Variants in SPHKAP observed in about 807,000 individuals in gnomAD.
The protein encoded by SPHKAP is SPHK1 interactor, AKAP domain containing.
In SPHKAP, 67 loss-of-function variants were observed where a neutral mutation model predicts 137.5. The observed-to-expected ratio is 0.49, with a 90% CI of 0.40 to 0.60. The LOEUF is 0.60. SPHKAP is among the 20% of genes least tolerant of loss of function. SPHKAP has a pLI of 0.00. For missense variants in SPHKAP, 2,097 were observed against 2,069.3 expected (o/e 1.01, Z -0.26); for synonymous variants, 813 against 785.3 (o/e 1.04, Z -0.59).
chr2:228,131,956 GA>G (rs965984441), intron 2 of SPHKAP, 23 bp downstream of exon 2: 1 of 1,606,042 alleles, frequency 6.2e-7, no homozygotes, highest in African/African-American at 1.3e-5. Flanking sequence ...CTGACAAGAA[GA>G]AAGTGGCGTA....
intron 3 of SPHKAP, among the ~76,000 whole-genome samples, chr2:228,081,843 A>G (rs192636645): frequency 4.4e-4 from 67 of 152,296 alleles, no homozygotes; most frequent in Non-Finnish European, 6.8e-4. Flanking sequence ...TTTTAGTTAC[A>G]AAGAAGGAAT....
chr2:228,009,760 T>C (rs558258177), intron 7 of SPHKAP, among the ~76,000 whole-genome samples: 1 of 152,330 alleles, frequency 6.6e-6, no homozygotes, highest in African/African-American at 2.4e-5. Flanking sequence ...AGAACAAGTG[T>C]AGATTAGCCT....
intron 2 of SPHKAP, among the ~76,000 whole-genome samples, chr2:228,111,990 G>C (rs1196060423): frequency 6.6e-6 from 1 of 152,058 alleles, no homozygotes; most frequent in African/African-American, 2.4e-5. Flanking sequence ...TCTTGAAAGA[G>C]AGGAAACTTT....
intron 2 of SPHKAP, among the ~76,000 whole-genome samples, chr2:228,115,093 C>A (rs2106355930): frequency 6.6e-6 from 1 of 152,166 alleles, no homozygotes; most frequent in East Asian, 1.9e-4. Flanking sequence ...CTTTTCCTAC[C>A]CAGGTGCCAT....
chr2:228,063,999 T>G (rs1240450247), intron 3 of SPHKAP, among the ~76,000 whole-genome samples: 1 of 152,224 alleles, frequency 6.6e-6, no homozygotes, highest in Non-Finnish European at 1.5e-5. Context: ...AGCATCACTC[T>G]GGTCAATGTT....
chr2:228,096,516 G>A lies in SPHKAP; in HGVS notation c.246+12316C>T, dbSNP rs143188554. ...CCCACAGTTGGCCTGGGAGGAACTT[G>A]CCCATACGAAAACTGCATCCCACGA... On this transcript the variant is annotated intron_variant, in intron 3 of 11. Coordinates refer to ENST00000392056, the MANE Select transcript of SPHKAP (RefSeq NM_001142644.2). 3.3e-3 allele frequency among the ~76,000 whole-genome samples: 495 copies of A among 152,150 alleles called. 3 individuals carry two copies. Among genetic ancestry groups the A allele is most frequent in the African/African-American group, 0.011 (474 of 41,486 alleles).
chr2:228,136,091 C>G (rs986531825), intron 1 of SPHKAP, among the ~76,000 whole-genome samples: 1 of 152,068 alleles, frequency 6.6e-6, no homozygotes, highest in African/African-American at 2.4e-5. Flanking sequence ...CAGGATGAGG[C>G]AGAGATGGCA....
rs553758421 is a variant in SPHKAP at position 228,056,245 on chromosome 2, T to C, written c.247-28702A>G. ...GGTGGACTCATGAAGAGAGGGGCCA[T>C]GGTCTGTCGCTATGTGCCCAGCACC... On this transcript the variant is annotated intron_variant, in intron 3 of 11. Coordinates refer to ENST00000392056, the MANE Select transcript of SPHKAP (RefSeq NM_001142644.2). Among the ~76,000 whole-genome samples, 3 of 152,350 alleles carry C rather than the reference T, an allele frequency of 2.0e-5. No homozygotes were observed. The East Asian group carries it at 5.8e-4, about 29-fold the overall frequency.
intron 2 of SPHKAP, among the ~76,000 whole-genome samples, chr2:228,110,352 C>T: frequency 6.6e-6 from 1 of 151,760 alleles, no homozygotes; most frequent in Non-Finnish European, 1.5e-5. Context: ...AATCGCATAT[C>T]AAAATATCAT....
chr2:228,039,043 A>G (rs551779320), intron 3 of SPHKAP, among the ~76,000 whole-genome samples: 1 of 152,344 alleles, frequency 6.6e-6, no homozygotes, highest in Non-Finnish European at 1.5e-5. Context: ...TGAGAATCAT[A>G]ATTGGTAATA....
At chr2:228,108,465 C>G (rs1351492726) in intron 3 of SPHKAP, among the ~76,000 whole-genome samples, 1 of 151,934 alleles carries the variant, frequency 6.6e-6, no homozygotes, top group African/African-American at 2.4e-5. Flanking sequence ...AGACACTTTT[C>G]ATATTAGAAA....
chr2:228,113,903 G>A (rs1698613664), intron 2 of SPHKAP, among the ~76,000 whole-genome samples: 1 of 152,040 alleles, frequency 6.6e-6, no homozygotes, highest in Admixed American at 6.6e-5. Flanking sequence ...GCAGACTTCA[G>A]TAAACCACTT....
At chr2:228,076,356 G>A (rs535100230) in intron 3 of SPHKAP, among the ~76,000 whole-genome samples, 1 of 152,314 alleles carries the variant, frequency 6.6e-6, no homozygotes, top group South Asian at 2.1e-4. Flanking sequence ...AACAGGCAGA[G>A]GTTGGAACAG....
At chr2:228,170,498 T>C (rs887837410) in intron 1 of SPHKAP, among the ~76,000 whole-genome samples, 2 of 152,110 alleles carry the variant, frequency 1.3e-5, no homozygotes, top group African/African-American at 4.8e-5. Context: ...TTAAAGAAGT[T>C]TGCACAGCCA....
At chr2:228,128,658 T>C (rs565096615) in intron 2 of SPHKAP, among the ~76,000 whole-genome samples, 1 of 152,322 alleles carries the variant, frequency 6.6e-6, no homozygotes, top group Non-Finnish European at 1.5e-5. Flanking sequence ...AATGCAGTTC[T>C]TAAACATTAA....
At chr2:228,161,081 TC>T (rs1700259433) in intron 1 of SPHKAP, among the ~76,000 whole-genome samples, 1 of 152,164 alleles carries the variant, frequency 6.6e-6, no homozygotes, top group Admixed American at 6.5e-5. Flanking sequence ...TACAAATGTG[TC>T]ACTGTCATGA....
At chr2:228,042,690 G>GTAAT (rs1459958607) in intron 3 of SPHKAP, among the ~76,000 whole-genome samples, 1 of 152,138 alleles carries the variant, frequency 6.6e-6, no homozygotes, top group African/African-American at 2.4e-5. Context: ...CTCCTTGCCT[G>GTAAT]TAATTATTTT....
chr2:228,103,832 C>T (rs1435850877), intron 3 of SPHKAP, among the ~76,000 whole-genome samples: 1 of 152,100 alleles, frequency 6.6e-6, no homozygotes, highest in African/African-American at 2.4e-5. Context: ...AAGATTCCTG[C>T]AGGTCTGGGT....
At chr2:228,023,615 T>C (rs1423688072) in intron 5 of SPHKAP, among the ~76,000 whole-genome samples, 1 of 152,134 alleles carries the variant, frequency 6.6e-6, no homozygotes, top group Non-Finnish European at 1.5e-5. Flanking sequence ...TACCCAGTAT[T>C]TTCCGAGTGC....
Sources: allele counts gnomAD v4.1 joint callset (sites outside exome capture counted in the v4.1 genomes callset), GRCh38; gene constraint gnomAD v4.1.1; transcripts MANE v1.5; gene names NCBI Gene and HGNC (gene_info 2026-07-23, HGNC 2026-07-21).